Variants in FLT1 observed in about 807,000 individuals in gnomAD.
The protein encoded by FLT1 is fms related receptor tyrosine kinase 1, also known as vascular endothelial growth factor receptor 1.
FLT1 carries 49 observed loss-of-function variants against 156.3 expected under a neutral mutation model. The observed-to-expected ratio is 0.31, with a 90% CI of 0.25 to 0.40. The LOEUF (loss-of-function observed/expected upper bound fraction) is 0.40. Among genes scored for constraint, FLT1 ranks in the 10% least tolerant of loss-of-function variants. The pLI is 1.00. For synonymous variants in FLT1, 594 were observed against 583.8 expected, an observed-to-expected ratio of 1.02 and a Z score of -0.25; for missense variants, 1,322 against 1,637.2, an observed-to-expected ratio of 0.81 and a Z score of 3.32.
intron 14 of FLT1, among the ~76,000 whole-genome samples, chr13:28,360,542 T>C (rs565438562): frequency 8.5e-5 from 13 of 152,356 alleles, no homozygotes; most frequent in African/African-American, 2.6e-4. Flanking sequence ...TATGACAATA[T>C]GGATGAACCT....
intron 14 of FLT1, among the ~76,000 whole-genome samples, chr13:28,380,828 C>G (rs1874049393): frequency 1.3e-5 from 2 of 152,114 alleles, no homozygotes; most frequent in Non-Finnish European, 2.9e-5. Flanking sequence ...CAGAAGGCAG[C>G]ATTGAACAAG....
chr13:28,345,243 C>T (rs1321350502), intron 16 of FLT1, among the ~76,000 whole-genome samples: 2 of 152,102 alleles, frequency 1.3e-5, no homozygotes, highest in Non-Finnish European at 2.9e-5. Flanking sequence ...TTCATTGTTA[C>T]GGCTTTTCTT....
chr13:28,430,338 C>T (rs1016281491), intron 7 of FLT1, among the ~76,000 whole-genome samples, 171 bp from the exon 8 acceptor site: 1 of 152,140 alleles, frequency 6.6e-6, no homozygotes, highest in African/African-American at 2.4e-5. Context: ...TTTAAAAGCA[C>T]TGTAATTGGT....
intron 1 of FLT1, among the ~76,000 whole-genome samples, chr13:28,473,087 A>T (rs1376350475): frequency 6.6e-6 from 1 of 152,226 alleles, no homozygotes; most frequent in Admixed American, 6.5e-5. Context: ...CTTAAATAAA[A>T]AAGACAGATA....
intron 1 of FLT1, among the ~76,000 whole-genome samples, chr13:28,481,388 T>C (rs866825560): frequency 7.9e-5 from 12 of 152,034 alleles, no homozygotes; most frequent in Middle Eastern, 3.4e-3. Context: ...TGCCTGTGTA[T>C]TGGGAGAATT....
intron 1 of FLT1, 23 bp from the exon 2 acceptor site, chr13:28,467,640 G>A: frequency 7.7e-7 from 1 of 1,297,098 alleles, no homozygotes; most frequent in African/African-American, 1.5e-5. Flanking sequence ...TTTTTAAAAT[G>A]TATTATTTGT....
At chr13:28,318,381 T>C (rs1378347470) in intron 24 of FLT1, among the ~76,000 whole-genome samples, 1 of 152,128 alleles carries the variant, frequency 6.6e-6, no homozygotes, top group Non-Finnish European at 1.5e-5. Context: ...CTTTGCCTTC[T>C]GCCAGCTTTA....
At chr13:28,386,403 A>C (rs1283672295) in intron 13 of FLT1, 1 of 1,031,470 alleles carries the variant, frequency 9.7e-7, no homozygotes, top group African/African-American at 1.7e-5. Context: ...TTTCTCAATA[A>C]ATTTTGATTT....
rs768549248 is a variant in FLT1, at chr13:28,334,011, T to C, written c.2593+14A>G. ...GTGATGGGTCAGTTGAAAGCCAAAC[T>C]ACAGCATACATACCTTTCAGCATTT... On this transcript the variant is annotated intron_variant, in intron 18 of 29. Transcript: ENST00000282397. The C allele has an allele frequency of 1.9e-6, 3 of 1,543,654 alleles. No individual in the cohort carries two copies. In the East Asian group the frequency reaches 6.7e-5, roughly 35 times the overall value.
intron 29 of FLT1, among the ~76,000 whole-genome samples, chr13:28,303,700 C>G (rs1166380840): frequency 1.3e-5 from 2 of 152,162 alleles, no homozygotes; most frequent in Non-Finnish European, 2.9e-5. Context: ...CAAACAGCTT[C>G]TGTGGTAGGC....
In FLT1 at chr13:28,329,780, C is replaced by T; in HGVS notation, c.2594-52G>A. The T allele has an allele frequency of 4.1e-6, 6 of 1,453,046 alleles. No homozygotes were observed. Among genetic ancestry groups the T allele is most frequent in the East Asian group, 2.3e-5 (1 of 43,868 alleles). 90.0% of individuals were successfully genotyped at this position (1,453,046 alleles called of 1,614,324 possible). ...GGCGACAGGACAATGGGGCTCCTTC[C>T]GCCGGAGGCGGCATTCTTGCCCTCC... is the stretch of plus-strand genomic sequence containing the variant. On this transcript the variant is annotated intron_variant, in intron 18 of 29. Coordinates refer to ENST00000282397, the MANE Select transcript of FLT1 (RefSeq NM_002019.4).
intron 3 of FLT1, 99 bp downstream of exon 3, chr13:28,466,804 C>G: frequency 1.2e-6 from 1 of 828,956 alleles, no homozygotes; most frequent in Non-Finnish European, 2.1e-6. Context: ...CCGTTTCTTT[C>G]ATACTCACTA....
chr13:28,352,780 T>G (rs1872768956), intron 15 of FLT1, among the ~76,000 whole-genome samples: 1 of 152,184 alleles, frequency 6.6e-6, no homozygotes, highest in Non-Finnish European at 1.5e-5. Flanking sequence ...TTCATGCGAA[T>G]TAGTTTATCA....
At chr13:28,437,783 C>T (rs962885188) in intron 4 of FLT1, among the ~76,000 whole-genome samples, 4 of 152,148 alleles carry the variant, frequency 2.6e-5, no homozygotes, top group Non-Finnish European at 5.9e-5. Flanking sequence ...TCAAACCAAA[C>T]GTGCTGGCTC....
chr13:28,493,730 C>A (rs893993651), intron 1 of FLT1, among the ~76,000 whole-genome samples: 2 of 152,214 alleles, frequency 1.3e-5, no homozygotes, highest in Admixed American at 6.5e-5. Flanking sequence ...GCAGAGACTG[C>A]GAGTCCGAAC....
At chr13:28,484,353 G>A (rs1009435039) in intron 1 of FLT1, among the ~76,000 whole-genome samples, 1 of 152,202 alleles carries the variant, frequency 6.6e-6, no homozygotes, top group Non-Finnish European at 1.5e-5. Flanking sequence ...GGACCTGCCT[G>A]ATATGAGCTT....
intron 16 of FLT1, among the ~76,000 whole-genome samples, chr13:28,339,670 T>C (rs1278241145): frequency 6.6e-6 from 1 of 152,116 alleles, no homozygotes; most frequent in Non-Finnish European, 1.5e-5. Flanking sequence ...AAAAATAACT[T>C]CCCATGGCCA....
At chr13:28,470,997 G>A (rs1338108409) in intron 1 of FLT1, among the ~76,000 whole-genome samples, 1 of 152,086 alleles carries the variant, frequency 6.6e-6, no homozygotes, top group Non-Finnish European at 1.5e-5. Context: ...CGCAAGAAGT[G>A]CTATTTAGAG....
chr13:28,436,673 G>A (rs1878042651), intron 4 of FLT1, among the ~76,000 whole-genome samples: 1 of 152,098 alleles, frequency 6.6e-6, no homozygotes, highest in Non-Finnish European at 1.5e-5. Context: ...CAGACTAATG[G>A]GAGTAATGCC....
Sources: gnomAD v4.1 joint callset for allele counts (sites outside exome capture counted in the v4.1 genomes callset) on GRCh38, gnomAD v4.1.1 for gene constraint, MANE v1.5 for transcripts, NCBI Gene and HGNC (gene_info 2026-07-23, HGNC 2026-07-21) for gene names.